The following AGBL1 variants were observed in gnomAD, a reference collection of about 807,000 sequenced individuals.
AGBL1 encodes the protein cytosolic carboxypeptidase 4.
A neutral mutation model predicts 118.9 loss-of-function variants in AGBL1; 130 were observed. The observed-to-expected ratio is 1.09, with a 90% confidence interval of 0.95 to 1.26. The LOEUF (loss-of-function observed/expected upper bound fraction) is 1.26. AGBL1 is among the 50% of genes most tolerant of loss of function. AGBL1 has a pLI of 0.00. For missense variants in AGBL1, 1,584 were observed against 1,298.1 expected, an observed-to-expected ratio of 1.22 and a Z score of -3.38; for synonymous variants, 555 against 478.9, an observed-to-expected ratio of 1.16 and a Z score of -2.08.
intron 1 of AGBL1, among the ~76,000 whole-genome samples, chr15:86,102,663 AG>A (rs1347240906): frequency 3.3e-5 from 5 of 152,226 alleles, no homozygotes; most frequent in African/African-American, 1.2e-4. Flanking sequence ...TTAGTCTAAT[AG>A]AGGTTCCCTC....
In AGBL1 at chr15:86,806,655, T is replaced by A. The variant is rs115937009; in HGVS notation, c.3159-100432T>A. 3.3e-5 allele frequency among the ~76,000 whole-genome samples: 5 copies of A among 152,084 alleles called. No individual in the cohort carries two copies. In the South Asian group the frequency reaches 1.0e-3, roughly 32 times the overall value. On this transcript the variant is annotated intron_variant, in intron 22 of 22. Transcript: ENST00000614907. Reference sequence around the variant, plus strand: ...CTGTAAAATGGGAGAAATAATACTATCTCAGAGGGTTGTTATGAAGGTAAA... The same window carrying A: ...CTGTAAAATGGGAGAAATAATACTAACTCAGAGGGTTGTTATGAAGGTAAA...
intron 3 of AGBL1, among the ~76,000 whole-genome samples, chr15:86,151,563 G>A (rs892601612): frequency 5.9e-5 from 9 of 152,004 alleles, no homozygotes; most frequent in African/African-American, 1.9e-4. Context: ...ACCCACAGCC[G>A]ATATCATACT....
At chr15:86,474,834 C>T (rs907855385) in intron 18 of AGBL1, among the ~76,000 whole-genome samples, 1 of 152,204 alleles carries the variant, frequency 6.6e-6, no homozygotes, top group Admixed American at 6.5e-5. Flanking sequence ...CCAGTAGGGG[C>T]AGACTGACAC....
At chr15:86,685,534 G>A (rs1282825687) in intron 22 of AGBL1, among the ~76,000 whole-genome samples, 2 of 152,110 alleles carry the variant, frequency 1.3e-5, no homozygotes, top group Admixed American at 6.6e-5. Context: ...CTTTGCCAGT[G>A]AGTAATAAAA....
intron 1 of AGBL1, among the ~76,000 whole-genome samples, chr15:86,137,020 A>G (rs1428101964): frequency 2.0e-5 from 3 of 152,314 alleles, no homozygotes; most frequent in African/African-American, 7.2e-5. Context: ...AAATCAAGGC[A>G]CATCACATCC....
chr15:86,636,257 G>A lies in AGBL1; in HGVS notation c.2995-38016G>A, dbSNP rs538972856. ...CCCTGGAAGGAGCCTGTTAGCAAGG[G>A]CCCATGAAACCTCACCTTCTTTAGT... On this transcript the variant is annotated intron_variant, in intron 21 of 22. Coordinates refer to ENST00000614907, the MANE Select transcript of AGBL1 (RefSeq NM_001386094.1). Among the ~76,000 whole-genome samples, 217 of 152,164 alleles carry A rather than the reference G, an allele frequency of 1.4e-3. 1 individual carries two copies. The highest frequency in any genetic ancestry group is 2.5e-3 in the Non-Finnish European group (168 of 67,990).
At chr15:86,179,375 A>G (rs1003568825) in intron 5 of AGBL1, among the ~76,000 whole-genome samples, 1 of 152,248 alleles carries the variant, frequency 6.6e-6, no homozygotes, top group African/African-American at 2.4e-5. Flanking sequence ...ATCAAGTGAT[A>G]TTTGTTGCAA....
At chr15:86,544,350 A>G (rs1386267625) in intron 19 of AGBL1, among the ~76,000 whole-genome samples, 1 of 152,128 alleles carries the variant, frequency 6.6e-6, no homozygotes, top group Non-Finnish European at 1.5e-5. Flanking sequence ...GGGAACAGCA[A>G]GACAGCAAAC....
At chr15:86,224,679 G>T (rs73447634) in intron 5 of AGBL1, among the ~76,000 whole-genome samples, 5,864 of 152,222 alleles carry the variant, frequency 0.039, 342 homozygotes, top group African/African-American at 0.13. Context: ...GAGAGAAAGA[G>T]ATTTTCAGCA....
In AGBL1 at chr15:87,020,761, G is replaced by T. The variant is rs12592366; in HGVS notation, c.3324-8064G>T. On this transcript the variant is annotated intron_variant, in intron 24 of 24. Transcript: ENST00000441037. ...TTCTCATTCACAATTGCTACAAAAA[G>T]GATAAAATACTGAGGAATACAGCTA... Among the ~76,000 whole-genome samples the T allele has an allele frequency of 0.014, 2,157 of 152,078 alleles. 148 individuals are homozygous for T. The East Asian group carries it at 0.2, about 14-fold the overall frequency.
intron 22 of AGBL1, among the ~76,000 whole-genome samples, chr15:86,795,494 CAGG>C (rs1421073780): frequency 6.6e-6 from 1 of 151,864 alleles, no homozygotes; most frequent in Non-Finnish European, 1.5e-5. Flanking sequence ...ATGTGATGTT[CAGG>C]AGTTCAACTC....
At chr15:86,607,201 T>A (rs1322101835) in intron 21 of AGBL1, among the ~76,000 whole-genome samples, 2 of 152,222 alleles carry the variant, frequency 1.3e-5, no homozygotes, top group African/African-American at 4.8e-5. Context: ...AGTGTATGTA[T>A]CCATTCACTT....
At chr15:86,586,630 G>T (rs546487131) in intron 21 of AGBL1, among the ~76,000 whole-genome samples, 1 of 152,158 alleles carries the variant, frequency 6.6e-6, no homozygotes, top group African/African-American at 2.4e-5. Context: ...ACCTAAAGCA[G>T]TCGGGTTACA....
intron 17 of AGBL1, among the ~76,000 whole-genome samples, chr15:86,301,372 G>A (rs1305656226): frequency 6.6e-6 from 1 of 151,550 alleles, no homozygotes; most frequent in Non-Finnish European, 1.5e-5. Flanking sequence ...GGTAGTTCTA[G>A]ACCTCAGCCT....
intron 17 of AGBL1, among the ~76,000 whole-genome samples, chr15:86,394,056 T>C (rs1234286695): frequency 6.6e-6 from 1 of 152,126 alleles, no homozygotes; most frequent in Admixed American, 6.6e-5. Flanking sequence ...ATTTCAGTTG[T>C]TTATAAGCCA....
At chr15:86,923,949 T>G (rs945193229) in intron 23 of AGBL1, among the ~76,000 whole-genome samples, 1 of 152,212 alleles carries the variant, frequency 6.6e-6, no homozygotes, top group Non-Finnish European at 1.5e-5. Flanking sequence ...TACACCTTCC[T>G]GGAGCCATTA....
At chr15:86,523,663 T>A (rs1037678231) in intron 19 of AGBL1, among the ~76,000 whole-genome samples, 4 of 151,214 alleles carry the variant, frequency 2.6e-5, no homozygotes, top group African/African-American at 7.3e-5. Flanking sequence ...TATTAAATAG[T>A]GTTTGGAACG....
At chr15:86,528,728 G>C (rs1360051506) in intron 19 of AGBL1, among the ~76,000 whole-genome samples, 44 of 89,614 alleles carry the variant, frequency 4.9e-4, no homozygotes, top group African/African-American at 2.2e-3. Flanking sequence ...TTTGAAGAGA[G>C]CAGTGGTTCT....
intron 21 of AGBL1, among the ~76,000 whole-genome samples, chr15:86,563,508 C>T (rs144515169): frequency 0.023 from 3,413 of 151,552 alleles, 64 homozygotes; most frequent in Middle Eastern, 0.075. Context: ...GTCTGAGAGA[C>T]AGTTTGTTAT....
Sources: allele counts gnomAD v4.1 joint callset (sites outside exome capture counted in the v4.1 genomes callset), GRCh38; gene constraint gnomAD v4.1.1; transcripts MANE v1.5; gene names NCBI Gene and HGNC (gene_info 2026-07-23, HGNC 2026-07-21).